Variants in PRKAR1A observed in about 807,000 individuals in gnomAD.
The protein encoded by PRKAR1A is cAMP-dependent protein kinase type I-alpha regulatory subunit.
Under a neutral mutation model 52.0 loss-of-function variants are expected in PRKAR1A, and 3 were observed. That is an observed-to-expected ratio of 0.06 (90% CI 0.03 to 0.15). The LOEUF (loss-of-function observed/expected upper bound fraction) is 0.15. PRKAR1A is among the 10% of genes least tolerant of loss of function. PRKAR1A has a pLI of 1.00. For synonymous variants in PRKAR1A, 188 were observed against 168.4 expected (o/e 1.12, Z -0.90); for missense variants, 240 against 477.4 (o/e 0.50, Z 4.63).
chr17:68,437,260 C>G, the PRKAR1A span, among the ~76,000 whole-genome samples: 4 of 152,020 alleles, frequency 2.6e-5, no homozygotes, highest in African/African-American at 9.7e-5. Context: ...TATTTAGAAA[C>G]TGAGAAATTT....
At chr17:68,478,429 C>T in the PRKAR1A span, among the ~76,000 whole-genome samples, 18 of 152,186 alleles carry the variant, frequency 1.2e-4, no homozygotes, top group Admixed American at 9.8e-4. Context: ...TTCAGCCTGG[C>T]GACAGAGTGA....
the PRKAR1A span, among the ~76,000 whole-genome samples, chr17:68,486,001 A>C: frequency 6.6e-6 from 1 of 152,150 alleles, no homozygotes; most frequent in Non-Finnish European, 1.5e-5. Flanking sequence ...AGCCTCCTAA[A>C]GTGCTGAGAT....
At chr17:68,439,442 T>C in the PRKAR1A span, among the ~76,000 whole-genome samples, 3 of 152,072 alleles carry the variant, frequency 2.0e-5, no homozygotes, top group Non-Finnish European at 4.4e-5. Flanking sequence ...CATAATCTAA[T>C]AGAGACAGAA....
chr17:68,494,106 C>A, the PRKAR1A span, among the ~76,000 whole-genome samples: 1 of 152,116 alleles, frequency 6.6e-6, no homozygotes, highest in Non-Finnish European at 1.5e-5. Context: ...AATATATAAT[C>A]AAAAATGCCA....
Position 68,529,007 on chromosome 17 carries a change from T to C in PRKAR1A, c.891+16T>C. On this transcript the variant is annotated intron_variant, in intron 9 of 10. Transcript: ENST00000589228. ...TATTTTAGAGGTAAAGAACTCAGAA[T>C]TTAATACTTGAATTTTAGAGGTAAA... is the stretch of plus-strand genomic sequence containing the variant. 1.2e-6 allele frequency: 2 copies of C among 1,613,456 alleles called. No homozygotes were observed. Among genetic ancestry groups the C allele is most frequent in the Non-Finnish European group, 1.7e-6 (2 of 1,179,614 alleles).
the PRKAR1A span, among the ~76,000 whole-genome samples, chr17:68,452,438 G>A: frequency 0.085 from 12,907 of 152,222 alleles, 783 homozygotes; most frequent in African/African-American, 0.17. Context: ...GGTGGCATGT[G>A]CCTGTAATCT....
the PRKAR1A span, among the ~76,000 whole-genome samples, chr17:68,435,459 C>T: frequency 6.6e-6 from 1 of 152,148 alleles, no homozygotes; most frequent in South Asian, 2.1e-4. Flanking sequence ...ATGAATATAC[C>T]ACACATGCAG....
the PRKAR1A span, among the ~76,000 whole-genome samples, chr17:68,418,565 T>C: frequency 6.6e-6 from 1 of 152,242 alleles, no homozygotes; most frequent in African/African-American, 2.4e-5. Flanking sequence ...TTTCAAATTT[T>C]ATTTCTGGCC....
chr17:68,537,423 G>A (rs541111143), downstream of PRKAR1A: 10 of 1,611,330 alleles, frequency 6.2e-6, no homozygotes, highest in African/African-American at 4.0e-5. The surrounding 1 kb of genome is among the most constrained non-coding windows in gnomAD (Gnocchi z 4.2). Context: ...GTCGGCACTC[G>A]AGTCGACTGC....
upstream of PRKAR1A, chr17:68,511,767 T>A (rs1568684114): frequency 1.3e-5 from 2 of 151,640 alleles, no homozygotes; most frequent in East Asian, 3.9e-4. Flanking sequence ...GGGCACAGGA[T>A]GCGCGGCCCG....
downstream of PRKAR1A, chr17:68,535,369 T>C (rs1172540336): frequency 2.2e-6 from 1 of 454,014 alleles, no homozygotes; most frequent in Non-Finnish European, 4.4e-6. Flanking sequence ...ATATAGGCCA[T>C]TGGAAAACCA....
At chr17:68,446,582 G>T in the PRKAR1A span, among the ~76,000 whole-genome samples, 1 of 152,148 alleles carries the variant, frequency 6.6e-6, no homozygotes, top group Admixed American at 6.5e-5. Flanking sequence ...AAATATGAGT[G>T]TTCCTCTGTG....
chr17:68,523,235 A>G (rs758513783), intron 3 of PRKAR1A, among the ~76,000 whole-genome samples: 2 of 152,088 alleles, frequency 1.3e-5, no homozygotes, highest in Admixed American at 6.5e-5. Flanking sequence ...TTGCTATCCT[A>G]TTAAATGTTG....
the PRKAR1A span, among the ~76,000 whole-genome samples, chr17:68,497,488 C>T: frequency 6.6e-6 from 1 of 152,082 alleles, no homozygotes; most frequent in African/African-American, 2.4e-5. Context: ...AGGCTAGTAC[C>T]CCTAAGGAAA....
the PRKAR1A span, among the ~76,000 whole-genome samples, chr17:68,461,544 A>C: frequency 1.3e-5 from 2 of 152,194 alleles, no homozygotes; most frequent in African/African-American, 4.8e-5. The surrounding 1 kb of genome is among the most constrained non-coding windows in gnomAD (Gnocchi z 4.6). Context: ...AGGTGAACAA[A>C]CACCACTCCT....
chr17:68,482,981 TC>T, the PRKAR1A span, among the ~76,000 whole-genome samples: 2 of 152,226 alleles, frequency 1.3e-5, no homozygotes, highest in Non-Finnish European at 1.5e-5. Flanking sequence ...GTCCAATTTA[TC>T]AGTTTTTTTG....
downstream of PRKAR1A, chr17:68,537,065 C>T: frequency 2.2e-6 from 1 of 458,176 alleles, no homozygotes; most frequent in Non-Finnish European, 4.4e-6. The surrounding 1 kb of genome is among the most constrained non-coding windows in gnomAD (Gnocchi z 4.2). Context: ...GGTGTTTTGT[C>T]TGGACCAGGA....
At chr17:68,460,381 A>G in the PRKAR1A span, among the ~76,000 whole-genome samples, 1 of 152,198 alleles carries the variant, frequency 6.6e-6, no homozygotes, top group Non-Finnish European at 1.5e-5. Flanking sequence ...TAGAAACTAG[A>G]TCTTCAGTCA....
the PRKAR1A span, chr17:68,436,357 C>T: frequency 6.2e-7 from 1 of 1,610,336 alleles, no homozygotes; most frequent in African/African-American, 1.3e-5. Flanking sequence ...GGTGGGTTGG[C>T]TCAGCCAGGT....
Sources: gnomAD v4.1 joint callset for allele counts (sites outside exome capture counted in the v4.1 genomes callset) on GRCh38, gnomAD v4.1.1 for gene constraint, Gnocchi (gnomAD v3.1) non-coding constraint, MANE v1.5 for transcripts, NCBI Gene and HGNC (gene_info 2026-07-23, HGNC 2026-07-21) for gene names.